TEN1: variants seen among roughly 807,000 people sequenced by gnomAD.
TEN1 encodes the protein CST complex subunit TEN1.
A neutral mutation model predicts 9.3 loss-of-function variants in TEN1; 6 were observed. The observed-to-expected ratio is 0.65, with a 90% CI of 0.35 to 1.27. The LOEUF is 1.27. Ranked by LOEUF, TEN1 falls within the 50% of genes most tolerant of loss-of-function variation. The probability of loss-of-function intolerance (pLI) is 0.03; values close to 1 mark genes in which losing one functional copy is unlikely to be tolerated. For synonymous variants in TEN1, 65 were observed against 65.6 expected, an observed-to-expected ratio of 0.99 and a Z score of 0.04; for missense variants, 149 against 158.2, an observed-to-expected ratio of 0.94 and a Z score of 0.31.
chr17:75,995,727 G>C (rs2066214500), intron 3 of TEN1, among the ~76,000 whole-genome samples: 1 of 152,210 alleles, frequency 6.6e-6, no homozygotes, highest in Non-Finnish European at 1.5e-5. Flanking sequence ...ACAGCAAGCA[G>C]CTGCCCACAA....
chr17:76,000,382 A>C lies in TEN1; in HGVS notation c.*120A>C. The C allele has an allele frequency of 7.2e-7, 1 of 1,380,996 alleles. No homozygotes were observed. The highest frequency in any genetic ancestry group is 9.6e-7 in the Non-Finnish European group (1 of 1,044,546). The allele number at this position is 1,380,996 out of a possible 1,614,324, so 85.5% of individuals were successfully genotyped here. ...GGCCTTGTCTGGAGCTCGAAAGCCGAGGGGCGGGTGATGAATCCAGCCCCT... is the reference window on the plus strand; with the variant it reads ...GGCCTTGTCTGGAGCTCGAAAGCCGCGGGGCGGGTGATGAATCCAGCCCCT... On this transcript the variant is annotated 3_prime_UTR_variant, in exon 4 of 4. Transcript: ENST00000397640. This position sits in a 1 kb window ranked among gnomAD's most constrained non-coding sequence, Gnocchi z 5.9.
chr17:76,000,571 G>A lies in TEN1; in HGVS notation c.*309G>A, dbSNP rs2066249114. 6.8e-6 allele frequency: 2 copies of A among 294,284 alleles called. No homozygotes were observed. Among genetic ancestry groups the A allele is most frequent in the African/African-American group, 4.4e-5 (2 of 45,938 alleles). 18.2% of individuals were successfully genotyped at this position (294,284 alleles called of 1,614,324 possible). ...AAGGTCCTGGTGAATAAAGGCCCAG[G>A]GGGCGTGCTCTTGAAGTGTGCTCGT... On this transcript the variant is annotated 3_prime_UTR_variant, in exon 4 of 4. Coordinates refer to ENST00000397640, the MANE Select transcript of TEN1 (RefSeq NM_001113324.3). The surrounding 1 kb of genome is among the most constrained non-coding windows in gnomAD (Gnocchi z 5.9).
Position 75,998,151 on chromosome 17 carries a change from CTTTTTCCTTTT to C in TEN1, c.251-1973_251-1963del, listed in dbSNP as rs1319609406. On this transcript the variant is annotated intron_variant, in intron 3 of 3. Transcript: ENST00000397640. ...ACAGATGTGAGCCACTGCGCCTGGCCTTTTTCCTTTTTTTTTCCTTTTTTTTTTTTTTTTGA... is the reference window on the plus strand; with the variant it reads ...ACAGATGTGAGCCACTGCGCCTGGCCTTTTTCCTTTTTTTTTTTTTTTTGA... 1.5e-3 allele frequency among the ~76,000 whole-genome samples: 221 copies of C among 148,886 alleles called. 2 individuals are homozygous for C. The highest frequency in any genetic ancestry group is 5.3e-3 in the African/African-American group (214 of 40,230).
At chr17:75,983,283 AAAAGAAAG>A (rs201581294) in intron 1 of TEN1, among the ~76,000 whole-genome samples, 4 of 151,948 alleles carry the variant, frequency 2.6e-5, no homozygotes, top group Middle Eastern at 3.2e-3. Context: ...TCCATCTCAA[AAAAGAAAG>A]AAAGAAAGAA....
At chr17:75,994,824 C>T (rs1598216320) in intron 3 of TEN1, among the ~76,000 whole-genome samples, 1 of 152,070 alleles carries the variant, frequency 6.6e-6, no homozygotes. Flanking sequence ...GGAGGGAACT[C>T]GAATCAAAGA....
At chr17:75,999,216 C>T (rs899032181) in intron 3 of TEN1, among the ~76,000 whole-genome samples, 2 of 152,004 alleles carry the variant, frequency 1.3e-5, no homozygotes, top group Non-Finnish European at 2.9e-5. Context: ...TGTGGTGGTG[C>T]GTCCCTGTAG....
intron 3 of TEN1, among the ~76,000 whole-genome samples, chr17:75,994,479 A>T (rs1035126149): frequency 3.3e-5 from 5 of 150,490 alleles, no homozygotes; most frequent in African/African-American, 1.2e-4. Context: ...ATTTTCTCTT[A>T]TTTTTTGTGA....
At chr17:75,990,361 G>A (rs1316603298) in intron 2 of TEN1, among the ~76,000 whole-genome samples, 3 of 151,866 alleles carry the variant, frequency 2.0e-5, no homozygotes, top group Admixed American at 6.6e-5. Context: ...ATATTCTTAT[G>A]GTAGGGGAAA....
intron 2 of TEN1, among the ~76,000 whole-genome samples, chr17:75,989,464 T>C (rs189271811): frequency 1.3e-5 from 2 of 151,334 alleles, no homozygotes; most frequent in East Asian, 3.9e-4. Flanking sequence ...CAGGCTGGAG[T>C]GCAGTGGCGT....
chr17:75,990,613 C>T (rs1157718408), intron 2 of TEN1, among the ~76,000 whole-genome samples: 1 of 149,060 alleles, frequency 6.7e-6, no homozygotes, highest in Non-Finnish European at 1.5e-5. Flanking sequence ...GCAGGTGGAT[C>T]ACGTGAGCCC....
intron 1 of TEN1, among the ~76,000 whole-genome samples, chr17:75,983,141 C>T (rs8072204): frequency 0.39 from 59,465 of 151,090 alleles, 15,218 homozygotes; most frequent in African/African-American, 0.74. Flanking sequence ...ATTAGCCGGG[C>T]ATGGTGGCAC....
At chr17:75,991,149 CAAA>C (rs71361699) in intron 2 of TEN1, among the ~76,000 whole-genome samples, 1 of 70,214 alleles carries the variant, frequency 1.4e-5, no homozygotes, top group Non-Finnish European at 2.5e-5. Context: ...GACTCCATCT[CAAA>C]AAAAAAAAAA....
At chr17:75,998,445 G>A (rs1202661820) in intron 3 of TEN1, among the ~76,000 whole-genome samples, 1 of 151,990 alleles carries the variant, frequency 6.6e-6, no homozygotes, top group Non-Finnish European at 1.5e-5. Flanking sequence ...ACCGCGCCAC[G>A]CCCCGATTCC....
chr17:75,990,755 G>A (rs1434955864), intron 2 of TEN1, among the ~76,000 whole-genome samples: 1 of 144,248 alleles, frequency 6.9e-6, no homozygotes, highest in Non-Finnish European at 1.5e-5. Context: ...GATTGCTTGA[G>A]CAGCCTGGAA....
At chr17:75,990,530 C>A in intron 2 of TEN1, among the ~76,000 whole-genome samples, 1 of 148,348 alleles carries the variant, frequency 6.7e-6, no homozygotes. Flanking sequence ...GCATTTGTAG[C>A]CCATATTGAA....
intron 2 of TEN1, among the ~76,000 whole-genome samples, chr17:75,986,539 T>TA (rs2066153567): frequency 6.6e-6 from 1 of 151,828 alleles, no homozygotes; most frequent in Admixed American, 6.6e-5. Context: ...CTGTCTCTAC[T>TA]AAAAATACAA....
At chr17:75,986,124 T>C in intron 1 of TEN1, 63 bp from the exon 2 acceptor site, 2 of 1,268,764 alleles carry the variant, frequency 1.6e-6, no homozygotes, top group South Asian at 1.4e-5. Context: ...TGCTAATCTC[T>C]GTTTTGTAGT....
At position 75,992,327 on chromosome 17, in the gene TEN1, C is replaced by A. The variant is rs1470071633; in HGVS notation, c.250+704C>A. ...CTCACTGCAACCTCCATCTCCTGGG[C>A]TCATGAGGCTCCCACCTCAGCCTCC... On this transcript the variant is annotated intron_variant, in intron 3 of 3. Coordinates refer to ENST00000397640, the MANE Select transcript of TEN1 (RefSeq NM_001113324.3). Among the ~76,000 whole-genome samples, 4 of 150,710 alleles carry A rather than the reference C, an allele frequency of 2.7e-5. 1 individual carries two copies. Among genetic ancestry groups the A allele is most frequent in the Admixed American group, 1.3e-4 (2 of 15,134 alleles).
intron 1 of TEN1, among the ~76,000 whole-genome samples, chr17:75,985,548 G>A (rs181343124): frequency 2.0e-5 from 3 of 152,310 alleles, no homozygotes; most frequent in African/African-American, 4.8e-5. Context: ...TTTTGAGACG[G>A]AGTCTCGCTC....
Sources: allele counts gnomAD v4.1 joint callset (sites outside exome capture counted in the v4.1 genomes callset), GRCh38; gene constraint gnomAD v4.1.1; non-coding constraint Gnocchi (gnomAD v3.1); transcripts MANE v1.5; gene names NCBI Gene and HGNC (gene_info 2026-07-23, HGNC 2026-07-21).